The following SLC7A11 variants were observed in gnomAD, a reference collection of about 807,000 sequenced individuals.
The protein encoded by SLC7A11 is solute carrier family 7 member 11.
In SLC7A11, 35 loss-of-function variants were observed where a neutral mutation model predicts 54.5. That is an observed-to-expected ratio of 0.64 (90% confidence interval 0.49 to 0.85). SLC7A11 has a LOEUF of 0.85. Ranked by LOEUF, SLC7A11 falls within the 40% of genes least tolerant of loss-of-function variation. The pLI is 0.00. For synonymous variants in SLC7A11, 230 were observed against 225.2 expected, an observed-to-expected ratio of 1.02 and a Z score of -0.19; for missense variants, 583 against 618.1, an observed-to-expected ratio of 0.94 and a Z score of 0.60.
At chr4:138,239,816 T>C (rs1323195753) in intron 1 of SLC7A11, among the ~76,000 whole-genome samples, 2 of 152,240 alleles carry the variant, frequency 1.3e-5, no homozygotes, top group Non-Finnish European at 2.9e-5. Flanking sequence ...TTTTATTATG[T>C]GCAAAAATTG....
intron 5 of SLC7A11, among the ~76,000 whole-genome samples, chr4:138,216,462 G>A (rs1737683330): frequency 6.6e-6 from 1 of 152,116 alleles, no homozygotes; most frequent in East Asian, 1.9e-4. Flanking sequence ...GGGCCACAAG[G>A]GGGACTGGCA....
At chr4:138,192,654 ATAT>A (rs1473010744) in intron 6 of SLC7A11, among the ~76,000 whole-genome samples, 2 of 152,130 alleles carry the variant, frequency 1.3e-5, no homozygotes, top group Admixed American at 1.3e-4. Flanking sequence ...ATTGTATAGT[ATAT>A]TATTTATGAG....
intron 6 of SLC7A11, among the ~76,000 whole-genome samples, chr4:138,201,157 C>T (rs528421752): frequency 2.6e-5 from 4 of 152,004 alleles, no homozygotes; most frequent in Non-Finnish European, 4.4e-5. Flanking sequence ...TGTTATATGG[C>T]TATGTATTAT....
At chr4:138,229,099 C>G (rs984539288) in intron 3 of SLC7A11, among the ~76,000 whole-genome samples, 3 of 152,224 alleles carry the variant, frequency 2.0e-5, no homozygotes, top group Admixed American at 6.5e-5. Flanking sequence ...TGCCCTTTTT[C>G]TATGCTTAAC....
At chr4:138,215,775 A>G (rs1254298091) in intron 5 of SLC7A11, among the ~76,000 whole-genome samples, 3 of 149,432 alleles carry the variant, frequency 2.0e-5, no homozygotes, top group Non-Finnish European at 2.9e-5. Flanking sequence ...ACACATGCAC[A>G]CTAAAAAACA....
intron 3 of SLC7A11, among the ~76,000 whole-genome samples, chr4:138,226,270 T>A (rs1000693462): frequency 2.6e-5 from 4 of 152,084 alleles, no homozygotes; most frequent in African/African-American, 9.7e-5. Context: ...AATAAATCTA[T>A]CATATGATCC....
At chr4:138,218,557 A>G (rs1185990815) in intron 5 of SLC7A11, among the ~76,000 whole-genome samples, 1 of 152,236 alleles carries the variant, frequency 6.6e-6, no homozygotes, top group African/African-American at 2.4e-5. Flanking sequence ...ATCTGAACAA[A>G]TAAGGTACAA....
intron 2 of SLC7A11, among the ~76,000 whole-genome samples, chr4:138,235,520 T>C (rs940785328): frequency 6.6e-6 from 1 of 152,158 alleles, no homozygotes; most frequent in Non-Finnish European, 1.5e-5. Context: ...CAATCACATA[T>C]GTTTGATAAG....
intron 2 of SLC7A11, among the ~76,000 whole-genome samples, chr4:138,233,474 G>A (rs1314070843): frequency 6.6e-6 from 1 of 152,018 alleles, no homozygotes; most frequent in Non-Finnish European, 1.5e-5. Flanking sequence ...GTGAGCCACC[G>A]TGCCCGGCAG....
chr4:138,223,164 C>A, intron 4 of SLC7A11, 35 bp downstream of exon 4: 1 of 1,590,252 alleles, frequency 6.3e-7, no homozygotes, highest in South Asian at 1.1e-5. Flanking sequence ...AAAGCAGATA[C>A]GTATTTTAAA....
At chr4:138,194,963 T>G (rs1188718193) in intron 6 of SLC7A11, among the ~76,000 whole-genome samples, 1 of 152,168 alleles carries the variant, frequency 6.6e-6, no homozygotes, top group East Asian at 1.9e-4. Context: ...CCTAAGGAAG[T>G]TTCTGCATTT....
chr4:138,221,072 C>T lies in SLC7A11; in HGVS notation c.647-1707G>A, dbSNP rs140418481. Among the ~76,000 whole-genome samples the T allele has an allele frequency of 2.0e-3, 300 of 152,234 alleles. 3 individuals carry two copies. The highest frequency in any genetic ancestry group is 6.7e-3 in the African/African-American group (280 of 41,546). On this transcript the variant is annotated intron_variant, in intron 4 of 11. Transcript: ENST00000280612. ...CAGATAAAAGCATCTGTTGAATATT[C>T]TTTTATCATAATCTGTGGTCTCTTT... is the stretch of plus-strand genomic sequence containing the variant.
chr4:138,192,543 A>G (rs1737036041), intron 6 of SLC7A11, among the ~76,000 whole-genome samples: 1 of 151,600 alleles, frequency 6.6e-6, no homozygotes. Flanking sequence ...AGCTAGCATT[A>G]TTCTAACTAA....
At chr4:138,191,304 G>A (rs952941926) in intron 6 of SLC7A11, among the ~76,000 whole-genome samples, 1 of 152,100 alleles carries the variant, frequency 6.6e-6, no homozygotes, top group African/African-American at 2.4e-5. Context: ...GGCTATGGGT[G>A]TTTTCACTGA....
intron 11 of SLC7A11, chr4:138,177,267 AC>A (rs983509345): frequency 4.3e-4 from 66 of 152,188 alleles, no homozygotes; most frequent in African/African-American, 1.5e-3. Flanking sequence ...ATCTCCCCAA[AC>A]TTTTAACTGG....
chr4:138,173,527 A>G (rs1303757592), intron 11 of SLC7A11, among the ~76,000 whole-genome samples: 2 of 151,786 alleles, frequency 1.3e-5, no homozygotes, highest in Non-Finnish European at 2.9e-5. Flanking sequence ...CCAGCTACTC[A>G]GGAGGCTGAG....
In SLC7A11 at chr4:138,185,147, G is replaced by A. The variant is rs767813451; in HGVS notation, c.889C>T (p.Leu297=). ...AYFTTINAEE[L]LLSNAVAVTF... ...ACTGCCACTGCATTTGAAAGCAGCA[G>A]CTCCTCAGCATTAATGGTCGTAAAG... Residue 297 remains leucine (L), a synonymous_variant, in exon 7 of 12, where the codon CTG becomes TTG. Coordinates refer to ENST00000280612, the MANE Select transcript of SLC7A11 (RefSeq NM_014331.4). The A allele has an allele frequency of 6.2e-7, 1 of 1,612,930 alleles. No individual in the cohort carries two copies. The highest frequency in any genetic ancestry group is 8.5e-7 in the Non-Finnish European group (1 of 1,179,214).
chr4:138,169,237 CAT>C lies in SLC7A11; in HGVS notation c.*2717_*2718del, dbSNP rs1041422502. Reference sequence around the variant, plus strand: ...GAGAAAAATTTTACTTATATAAAAACATATATATAAATAAGTGTTCAGGAGAG... The same window carrying C: ...GAGAAAAATTTTACTTATATAAAAACATATATAAATAAGTGTTCAGGAGAG... On this transcript the variant is annotated 3_prime_UTR_variant, in exon 12 of 12. Coordinates refer to ENST00000280612, the MANE Select transcript of SLC7A11 (RefSeq NM_014331.4). 2.6e-4 allele frequency: 40 copies of C among 151,800 alleles called. No individual in the cohort carries two copies. Among genetic ancestry groups the C allele is most frequent in the African/African-American group, 8.9e-4 (37 of 41,366 alleles). 9.4% of individuals were successfully genotyped at this position (151,800 alleles called of 1,614,324 possible). A position where few individuals can be genotyped will look rare whatever the true frequency, so the allele number is the denominator to read the frequency against.
At chr4:138,202,847 A>G (rs1737320509) in intron 6 of SLC7A11, among the ~76,000 whole-genome samples, 1 of 152,096 alleles carries the variant, frequency 6.6e-6, no homozygotes, top group Non-Finnish European at 1.5e-5. Flanking sequence ...CTACCTTCAC[A>G]ACACCAGTGT....
Sources: allele counts gnomAD v4.1 joint callset (sites outside exome capture counted in the v4.1 genomes callset), GRCh38; gene constraint gnomAD v4.1.1; transcripts MANE v1.5; gene names NCBI Gene and HGNC (gene_info 2026-07-23, HGNC 2026-07-21).